Variants in GOLGB1 observed in about 807,000 individuals in gnomAD.
GOLGB1 encodes the protein golgin B1.
A neutral mutation model predicts 336.9 loss-of-function variants in GOLGB1; 174 were observed. The ratio of observed to expected loss-of-function variants is 0.52; its 90% CI spans 0.46 to 0.59. The LOEUF is 0.59. GOLGB1 is among the 20% of genes least tolerant of loss of function. The probability of loss-of-function intolerance (pLI) is 0.00; values close to 1 mark genes in which losing one functional copy is unlikely to be tolerated. For synonymous variants in GOLGB1, 1,208 were observed against 1,289.2 expected, an observed-to-expected ratio of 0.94 and a Z score of 1.35; for missense variants, 3,331 against 3,645.3, an observed-to-expected ratio of 0.91 and a Z score of 2.22.
intron 20 of GOLGB1, among the ~76,000 whole-genome samples, chr3:121,666,436 G>T (rs1383148392): frequency 2.0e-5 from 3 of 152,146 alleles, no homozygotes; most frequent in African/African-American, 7.2e-5. Context: ...CAATTCAATA[G>T]CAAGTAGAAG....
In GOLGB1 at chr3:121,718,402, C is replaced by T; in HGVS notation, c.871G>A (p.Glu291Lys). The T allele has an allele frequency of 1.2e-6, 2 of 1,609,826 alleles. No homozygotes were observed. The highest frequency in any genetic ancestry group is 1.7e-6 in the Non-Finnish European group (2 of 1,176,126). Residue 291 changes from glutamate to lysine, a missense_variant, in exon 8 of 22, where the codon GAG (glutamate) becomes AAG (lysine). Glu to Lys is a moderately conservative substitution (Grantham distance 56). Coordinates refer to ENST00000614479, the MANE Select transcript of GOLGB1 (RefSeq NM_001366282.2). ...AAAGGCAGTACCTGGTTTCTCTGCT[C>T]AGCAGCAGTCAGCTCCTGTTGCAGC... ...DLLQQELTAA[E>K]QRNQILSQQL...
chr3:121,674,028 C>CTTTCTTGA (rs1206273316), intron 17 of GOLGB1, among the ~76,000 whole-genome samples: 1 of 152,140 alleles, frequency 6.6e-6, no homozygotes, highest in Non-Finnish European at 1.5e-5. Context: ...ACTGGGATTG[C>CTTTCTTGA]TTTCTTGATT....
Position 121,692,306 on chromosome 3 carries a change from T to A in GOLGB1, c.7058A>T (p.Asp2353Val). 1 of 1,611,666 alleles carries A rather than the reference T, an allele frequency of 6.2e-7. No homozygotes were observed. Among genetic ancestry groups the A allele is most frequent in the South Asian group, 1.1e-5 (1 of 90,420 alleles). Residue 2353 changes from aspartate to valine, a missense_variant, in exon 14 of 22, where the codon GAT (aspartate) becomes GTT (valine). Transcript: ENST00000614479. Reference sequence around the variant, plus strand: ...ATAACTGAACTTAGAATTTTGAATATCAGCCTCTTGCTGCCTTATGATCCC... The same window carrying A: ...ATAACTGAACTTAGAATTTTGAATAACAGCCTCTTGCTGCCTTATGATCCC... ...LEGIIRQQEA[D>V]IQNSKFSYEQ...
intron 10 of GOLGB1, among the ~76,000 whole-genome samples, chr3:121,711,577 T>C (rs1422421515): frequency 6.6e-6 from 1 of 152,110 alleles, no homozygotes; most frequent in Non-Finnish European, 1.5e-5. Flanking sequence ...ATTGCTTACA[T>C]AGAAAATCCT....
chr3:121,728,679 C>G (rs969489704), intron 4 of GOLGB1, among the ~76,000 whole-genome samples: 2 of 152,164 alleles, frequency 1.3e-5, no homozygotes, highest in African/African-American at 4.8e-5. Context: ...AGTCATAAAC[C>G]TAGTGAGCCT....
chr3:121,728,768 T>C (rs1945857824), intron 4 of GOLGB1, among the ~76,000 whole-genome samples: 1 of 152,154 alleles, frequency 6.6e-6, no homozygotes, highest in Admixed American at 6.5e-5. Flanking sequence ...TGTGACTATA[T>C]ATGAGGACAC....
At chr3:121,720,958 T>C (rs1188219831) in intron 6 of GOLGB1, among the ~76,000 whole-genome samples, 2 of 152,224 alleles carry the variant, frequency 1.3e-5, no homozygotes, top group Non-Finnish European at 2.9e-5. Context: ...TTGGCACTTA[T>C]TCGGAAAGCC....
At chr3:121,713,163 G>GA (rs1196008768) in intron 10 of GOLGB1, among the ~76,000 whole-genome samples, 53 of 148,724 alleles carry the variant, frequency 3.6e-4, no homozygotes, top group Admixed American at 1.3e-3. Context: ...CTCCGTCTTG[G>GA]AAAAAAAAAA....
chr3:121,688,880 G>C (rs147220330), intron 14 of GOLGB1, among the ~76,000 whole-genome samples: 1 of 147,250 alleles, frequency 6.8e-6, no homozygotes, highest in South Asian at 2.2e-4. Context: ...CAGCCGCCCC[G>C]TCTGAGAAGT....
chr3:121,737,647 G>A (rs1311737550), intron 1 of GOLGB1, among the ~76,000 whole-genome samples: 2 of 135,634 alleles, frequency 1.5e-5, no homozygotes, highest in East Asian at 2.6e-4. Context: ...GCAAGACCGC[G>A]TCTCAAAAAA....
intron 21 of GOLGB1, 133 bp downstream of exon 21, chr3:121,664,793 G>T: frequency 1.3e-6 from 1 of 770,222 alleles, no homozygotes; most frequent in Non-Finnish European, 2.2e-6. Context: ...AATCTTCCAC[G>T]CCCTTCCAGC....
chr3:121,713,697 AAC>A (rs1301808178), intron 10 of GOLGB1, among the ~76,000 whole-genome samples: 1 of 152,166 alleles, frequency 6.6e-6, no homozygotes, highest in African/African-American at 2.4e-5. Context: ...GAGTTTGGGT[AAC>A]ACAGGTGTAT....
chr3:121,693,283 TCGA>T (rs1942627815), intron 13 of GOLGB1, among the ~76,000 whole-genome samples: 1 of 152,116 alleles, frequency 6.6e-6, no homozygotes, highest in African/African-American at 2.4e-5. Flanking sequence ...GGTCAGGAGT[TCGA>T]GACCAGCCTG....
chr3:121,710,120 C>A (rs1944224645), intron 10 of GOLGB1, among the ~76,000 whole-genome samples: 1 of 141,040 alleles, frequency 7.1e-6, no homozygotes, highest in African/African-American at 2.6e-5. Flanking sequence ...AAAAAAAAAT[C>A]TTATTATTAG....
At chr3:121,733,477 A>G (rs1342405938) in intron 1 of GOLGB1, among the ~76,000 whole-genome samples, 1 of 152,156 alleles carries the variant, frequency 6.6e-6, no homozygotes, top group South Asian at 2.1e-4. Flanking sequence ...AAGACATAAA[A>G]AATCTAAATA....
At chr3:121,666,690 A>C (rs1408762827) in intron 20 of GOLGB1, among the ~76,000 whole-genome samples, 2 of 152,226 alleles carry the variant, frequency 1.3e-5, no homozygotes, top group African/African-American at 4.8e-5. Context: ...CAGAAATGTC[A>C]TTCTCTGAGG....
chr3:121,744,820 AT>A (rs1302332142), intron 1 of GOLGB1, among the ~76,000 whole-genome samples: 1 of 152,176 alleles, frequency 6.6e-6, no homozygotes, highest in African/African-American at 2.4e-5. Flanking sequence ...TCTCTCATAG[AT>A]TGATTCAACA....
At chr3:121,716,625 C>CT (rs1944798147) in intron 9 of GOLGB1, 112 bp downstream of exon 9, 2 of 852,950 alleles carry the variant, frequency 2.3e-6, no homozygotes, top group Non-Finnish European at 3.6e-6. Context: ...CTCAGTCCTT[C>CT]TATTGGTTCA....
intron 5 of GOLGB1, 126 bp from the exon 6 acceptor site, chr3:121,722,504 G>T: frequency 1.7e-6 from 1 of 586,430 alleles, no homozygotes; most frequent in South Asian, 2.2e-5. Flanking sequence ...AGTTTCCATT[G>T]AACCCAAAAG....
Sources: gnomAD v4.1 joint callset for allele counts (sites outside exome capture counted in the v4.1 genomes callset) on GRCh38, gnomAD v4.1.1 for gene constraint, MANE v1.5 for transcripts, NCBI Gene and HGNC (gene_info 2026-07-23, HGNC 2026-07-21) for gene names.